The following PLPPR5 variants were observed in gnomAD, a reference collection of about 807,000 sequenced individuals.
The protein encoded by PLPPR5 is phospholipid phosphatase related 5.
A neutral mutation model predicts 33.9 loss-of-function variants in PLPPR5; 16 were observed. The observed-to-expected ratio is 0.47, with a 90% CI of 0.32 to 0.72. The LOEUF is 0.72. Among genes scored for constraint, PLPPR5 ranks in the 30% least tolerant of loss-of-function variants. PLPPR5 has a pLI of 0.03. For missense variants in PLPPR5, 301 were observed against 406.7 expected, an observed-to-expected ratio of 0.74 and a Z score of 2.23; for synonymous variants, 163 against 150.3, an observed-to-expected ratio of 1.08 and a Z score of -0.62.
intron 4 of PLPPR5, among the ~76,000 whole-genome samples, chr1:98,917,166 G>A (rs563224168): frequency 9.2e-4 from 140 of 151,986 alleles, no homozygotes; most frequent in Non-Finnish European, 1.3e-3. Context: ...ACCCACCTCC[G>A]CCCCAGTGCA....
intron 1 of PLPPR5, among the ~76,000 whole-genome samples, chr1:98,984,718 T>A (rs1254484098): frequency 1.3e-5 from 2 of 152,168 alleles, no homozygotes; most frequent in East Asian, 3.9e-4. Context: ...TTAGTTACTA[T>A]CCTATCCCAA....
intron 1 of PLPPR5, among the ~76,000 whole-genome samples, chr1:98,963,407 T>C (rs1651316824): frequency 1.3e-5 from 2 of 152,208 alleles, no homozygotes; most frequent in South Asian, 4.1e-4. Flanking sequence ...ATAACATTTA[T>C]CTTTAAACTT....
chr1:98,969,395 A>C (rs991801633), intron 1 of PLPPR5, among the ~76,000 whole-genome samples: 1 of 152,080 alleles, frequency 6.6e-6, no homozygotes, highest in Non-Finnish European at 1.5e-5. Context: ...AAAAGAGAGC[A>C]AATATTAATT....
intron 4 of PLPPR5, among the ~76,000 whole-genome samples, chr1:98,920,800 T>G (rs368478505): frequency 1.3e-5 from 2 of 152,246 alleles, no homozygotes. Flanking sequence ...TAAGGGCAAT[T>G]TAAATGTAAT....
chr1:98,933,119 C>T (rs1364254582), intron 3 of PLPPR5, among the ~76,000 whole-genome samples: 1 of 151,790 alleles, frequency 6.6e-6, no homozygotes, highest in African/African-American at 2.4e-5. Context: ...CCAATAAATT[C>T]AGGTCAGATA....
chr1:98,914,792 AG>A lies in PLPPR5; in HGVS notation c.926del (p.Ser309LeufsTer34), dbSNP rs1649280392. Reference sequence around the variant, plus strand: ...AATTTAAATTGTGAGTCACCTGTACAGATGTTACCTTTTCCAAAGGACTTTC... The same window carrying A: ...AATTTAAATTGTGAGTCACCTGTACAATGTTACCTTTTCCAAAGGACTTTC... ...RVESPLEKVT[S>X]VQNHITAFAE... On this transcript the variant is annotated frameshift_variant, in exon 5 of 6. Coordinates refer to ENST00000263177, the MANE Select transcript of PLPPR5 (RefSeq NM_001037317.2). LOFTEE classifies it high-confidence loss of function. The A allele has an allele frequency of 6.8e-6, 11 of 1,611,868 alleles. No individual in the cohort carries two copies. In the East Asian group the frequency reaches 2.2e-4, roughly 33 times the overall value.
chr1:98,963,444 A>G (rs1464412555), intron 1 of PLPPR5, among the ~76,000 whole-genome samples: 1 of 152,220 alleles, frequency 6.6e-6, no homozygotes, highest in Non-Finnish European at 1.5e-5. Context: ...GTGACTGACA[A>G]TAAATATGAA....
chr1:98,904,682 A>T (rs1648831246), intron 5 of PLPPR5, among the ~76,000 whole-genome samples: 1 of 152,122 alleles, frequency 6.6e-6, no homozygotes, highest in Admixed American at 6.6e-5. Flanking sequence ...GGCAGGAGAG[A>T]GAGAAGGACG....
intron 1 of PLPPR5, among the ~76,000 whole-genome samples, chr1:98,967,833 C>T (rs990345954): frequency 6.6e-5 from 10 of 151,996 alleles, no homozygotes; most frequent in Admixed American, 5.9e-4. Context: ...CTTTCTAAGT[C>T]GTATCTGCGA....
chr1:98,930,511 A>C (rs899591424), intron 3 of PLPPR5, among the ~76,000 whole-genome samples: 1 of 152,196 alleles, frequency 6.6e-6, no homozygotes, highest in African/African-American at 2.4e-5. Context: ...TTGAAATACT[A>C]TCTTAAATTA....
intron 3 of PLPPR5, among the ~76,000 whole-genome samples, chr1:98,941,454 C>G (rs921767202): frequency 1.3e-5 from 2 of 151,154 alleles, no homozygotes; most frequent in Non-Finnish European, 3.0e-5. Flanking sequence ...CCCATGTAAC[C>G]GGTTTATAAG....
intron 3 of PLPPR5, among the ~76,000 whole-genome samples, chr1:98,930,865 C>A (rs933780141): frequency 3.3e-5 from 5 of 152,132 alleles, no homozygotes; most frequent in African/African-American, 1.2e-4. Context: ...CTTCCTACAT[C>A]CATTCCCACT....
intron 3 of PLPPR5, among the ~76,000 whole-genome samples, chr1:98,942,644 G>A (rs1650418595): frequency 6.6e-6 from 1 of 152,176 alleles, no homozygotes; most frequent in Non-Finnish European, 1.5e-5. Flanking sequence ...CTACAAGCAT[G>A]GAGAAAGTGA....
chr1:98,942,124 T>C (rs926388753), intron 3 of PLPPR5, among the ~76,000 whole-genome samples: 2 of 146,848 alleles, frequency 1.4e-5, no homozygotes, highest in Admixed American at 6.8e-5. Context: ...CAGGCTGGAG[T>C]GCAGTGGCGC....
At chr1:98,973,518 G>T (rs1651735798) in intron 1 of PLPPR5, among the ~76,000 whole-genome samples, 2 of 151,972 alleles carry the variant, frequency 1.3e-5, no homozygotes, top group Admixed American at 6.6e-5. Flanking sequence ...AAGACTCAGA[G>T]AAGCAACAAG....
intron 5 of PLPPR5, among the ~76,000 whole-genome samples, chr1:98,894,287 G>A (rs1297894931): frequency 3.3e-5 from 5 of 152,050 alleles, no homozygotes; most frequent in Non-Finnish European, 7.4e-5. Context: ...AAATTCAGTA[G>A]CTCATCTGTA....
chr1:98,973,466 T>C (rs1476059093), intron 1 of PLPPR5, among the ~76,000 whole-genome samples: 2 of 151,960 alleles, frequency 1.3e-5, no homozygotes, highest in Non-Finnish European at 2.9e-5. Flanking sequence ...GACAGGGTTA[T>C]GTTGATCACA....
At chr1:98,946,934 A>G (rs1280953086) in intron 3 of PLPPR5, among the ~76,000 whole-genome samples, 1 of 152,202 alleles carries the variant, frequency 6.6e-6, no homozygotes, top group Non-Finnish European at 1.5e-5. Context: ...CTTGTAAAAT[A>G]TCATTTTTAA....
intron 3 of PLPPR5, among the ~76,000 whole-genome samples, chr1:98,936,531 T>A (rs1360903902): frequency 6.6e-6 from 1 of 152,346 alleles, no homozygotes; most frequent in Non-Finnish European, 1.5e-5. Context: ...AGGATGTGCA[T>A]GGATCCCCTT....
Sources: allele counts gnomAD v4.1 joint callset (sites outside exome capture counted in the v4.1 genomes callset), GRCh38; gene constraint gnomAD v4.1.1; transcripts MANE v1.5; gene names NCBI Gene and HGNC (gene_info 2026-07-23, HGNC 2026-07-21).